TK2: variants seen among roughly 807,000 people sequenced by gnomAD.
TK2 encodes the protein thymidine kinase 2, mitochondrial.
A neutral mutation model predicts 41.9 loss-of-function variants in TK2; 35 were observed. That is an observed-to-expected ratio of 0.84 (90% CI 0.64 to 1.11). The LOEUF (loss-of-function observed/expected upper bound fraction) is 1.11, where lower values mean the gene tolerates loss of function less well. Among genes scored for constraint, TK2 ranks in the 50% least tolerant of loss-of-function variants. The probability of loss-of-function intolerance (pLI) is 0.00; values close to 1 mark genes in which losing one functional copy is unlikely to be tolerated. For synonymous variants in TK2, 128 were observed against 129.1 expected, an observed-to-expected ratio of 0.99 and a Z score of 0.06; for missense variants, 320 against 351.1, an observed-to-expected ratio of 0.91 and a Z score of 0.71.
intron 6 of TK2, among the ~76,000 whole-genome samples, chr16:66,522,241 C>T (rs149420097): frequency 2.0e-5 from 3 of 152,324 alleles, no homozygotes; most frequent in East Asian, 3.9e-4. Flanking sequence ...GCATGACCCA[C>T]ACCAGGAGGT....
intron 3 of TK2, among the ~76,000 whole-genome samples, chr16:66,541,111 T>C (rs547655852): frequency 6.6e-6 from 1 of 152,230 alleles, no homozygotes; most frequent in Non-Finnish European, 1.5e-5. Context: ...ATTTAAAATA[T>C]TGTATAAAAT....
At chr16:66,529,406 C>T (rs904429641) in intron 5 of TK2, among the ~76,000 whole-genome samples, 20 of 152,222 alleles carry the variant, frequency 1.3e-4, no homozygotes, top group African/African-American at 4.8e-4. Context: ...CTGGAGAAAC[C>T]ATCCAAAGCT....
chr16:66,540,326 C>G (rs930790827), intron 3 of TK2, among the ~76,000 whole-genome samples: 3 of 151,962 alleles, frequency 2.0e-5, no homozygotes, highest in African/African-American at 7.2e-5. Flanking sequence ...GCATGTGCCA[C>G]CACATCCAGC....
Position 66,511,524 on chromosome 16 carries a change from C to A in TK2, c.*444G>T, listed in dbSNP as rs775590447. 8 of 302,874 alleles carry A rather than the reference C, an allele frequency of 2.6e-5. No individual in the cohort carries two copies. The highest frequency in any genetic ancestry group is 5.1e-5 in the Non-Finnish European group (8 of 155,414). The allele number at this position is 302,874 out of a possible 1,614,324, so 18.8% of individuals were successfully genotyped here. On this transcript the variant is annotated 3_prime_UTR_variant, in exon 10 of 10. Coordinates refer to ENST00000544898, the MANE Select transcript of TK2 (RefSeq NM_004614.5). ...TGAATGGTGCCAGCTCCACTGCACA[C>A]AGGCTGTGTGACCTCTGGGGAGCCC...
chr16:66,512,832 A>C (rs1964491203), intron 9 of TK2, among the ~76,000 whole-genome samples: 1 of 152,160 alleles, frequency 6.6e-6, no homozygotes, highest in African/African-American at 2.4e-5. Flanking sequence ...CTTTCCGGCA[A>C]CCTCACTGCC....
rs147340897 is a variant in TK2 at position 66,550,113 on chromosome 16, G to A, written c.-52C>T. 59 of 1,610,374 alleles carry A rather than the reference G, an allele frequency of 3.7e-5. No individual in the cohort carries two copies. The highest frequency in any genetic ancestry group is 3.3e-4 in the Middle Eastern group (2 of 6,046). On this transcript the variant is annotated 5_prime_UTR_variant, in exon 1 of 10. Coordinates refer to ENST00000544898, the MANE Select transcript of TK2 (RefSeq NM_004614.5). ...GGGGTTCCTTCTTGTGCGAGTCGGC[G>A]CGGACGACTGCTAGTCCAGCCGTTG...
intron 9 of TK2, among the ~76,000 whole-genome samples, chr16:66,513,008 T>C (rs1376359653): frequency 1.3e-5 from 2 of 152,144 alleles, no homozygotes; most frequent in Non-Finnish European, 2.9e-5. Context: ...ATGTTGTATA[T>C]GTAACCATCT....
chr16:66,511,943 A>C lies in TK2; in HGVS notation c.*25T>G. 1 of 1,609,002 alleles carries C rather than the reference A, an allele frequency of 6.2e-7. No homozygotes were observed. The highest frequency in any genetic ancestry group is 1.1e-5 in the South Asian group (1 of 90,988). ...CTTGGCAGCAGCAGGCATTTTTCAG[A>C]CATGAGCCATAGACCTTTTGCCTCC... On this transcript the variant is annotated 3_prime_UTR_variant, in exon 10 of 10. Coordinates refer to ENST00000544898, the MANE Select transcript of TK2 (RefSeq NM_004614.5).
chr16:66,527,902 T>C (rs1342751236), intron 6 of TK2, among the ~76,000 whole-genome samples: 3 of 151,918 alleles, frequency 2.0e-5, no homozygotes, highest in African/African-American at 7.3e-5. Flanking sequence ...TGTGGTGGTG[T>C]GTGCCTGTAG....
intron 3 of TK2, among the ~76,000 whole-genome samples, chr16:66,540,621 A>G (rs1965431023): frequency 6.6e-6 from 1 of 152,256 alleles, no homozygotes; most frequent in Non-Finnish European, 1.5e-5. Flanking sequence ...AGAACAAGGA[A>G]GACAGGTCAA....
chr16:66,513,534 G>A (rs186462088), intron 9 of TK2, among the ~76,000 whole-genome samples, 197 bp downstream of exon 9: 5 of 152,274 alleles, frequency 3.3e-5, no homozygotes, highest in East Asian at 1.9e-4. Context: ...GCCTTCCCTC[G>A]GGTCTGGCCA....
chr16:66,518,984 C>T (rs185750675), intron 6 of TK2, among the ~76,000 whole-genome samples: 47 of 151,346 alleles, frequency 3.1e-4, no homozygotes, highest in African/African-American at 9.0e-4. Context: ...TTTTTTGAGA[C>T]GTAGTGTCGC....
chr16:66,547,740 T>TAA (rs2144487670), intron 2 of TK2, among the ~76,000 whole-genome samples: 1 of 152,190 alleles, frequency 6.6e-6, no homozygotes, highest in East Asian at 1.9e-4. Context: ...ATGTCAGGGC[T>TAA]GTTTGCCAGG....
rs149037404 is a variant in TK2 at position 66,541,133 on chromosome 16, T to G, written c.231+746A>C. On this transcript the variant is annotated intron_variant, in intron 3 of 9. Transcript: ENST00000544898. ...ATATTGTATAAAATTACCTTCAGGC[T>G]ATGTATATATGAAACATAAATGAAT... Among the ~76,000 whole-genome samples, 20 of 152,372 alleles carry G rather than the reference T, an allele frequency of 1.3e-4. No individual in the cohort carries two copies. In the East Asian group the frequency reaches 3.9e-3, roughly 29 times the overall value.
At chr16:66,547,959 A>G (rs1451358552) in intron 2 of TK2, 1 of 1,288,762 alleles carries the variant, frequency 7.8e-7, no homozygotes, top group East Asian at 5.6e-5. Flanking sequence ...ATAGCCAGGC[A>G]CAGTGGCTCA....
chr16:66,544,990 T>G (rs1323858212), intron 2 of TK2, among the ~76,000 whole-genome samples: 2 of 150,728 alleles, frequency 1.3e-5, no homozygotes, highest in Non-Finnish European at 2.9e-5. Context: ...GGGAGGCTGA[T>G]GCAAGAGAAT....
rs1964635385 is a variant in TK2 at position 66,517,022 on chromosome 16, C to G, written c.618+114G>C. On this transcript the variant is annotated intron_variant, in intron 8 of 9. Coordinates refer to ENST00000544898, the MANE Select transcript of TK2 (RefSeq NM_004614.5). The surrounding 1 kb of genome is among the most constrained non-coding windows in gnomAD (Gnocchi z 4.3). Reference sequence around the variant, plus strand: ...CTCTGATACACTTGGTTCCTGTTCTCTCTCTGCAAACAAGGGCACAATGAT... The same window carrying G: ...CTCTGATACACTTGGTTCCTGTTCTGTCTCTGCAAACAAGGGCACAATGAT... The G allele has an allele frequency of 1.1e-6, 1 of 947,570 alleles. No individual in the cohort carries two copies. Among genetic ancestry groups the G allele is most frequent in the East Asian group, 2.4e-5 (1 of 41,582 alleles). The allele number at this position is 947,570 out of a possible 1,614,324, so 58.7% of individuals were successfully genotyped here.
Position 66,517,038 on chromosome 16 carries a change from G to T in TK2, c.618+98C>A, listed in dbSNP as rs568435497. On this transcript the variant is annotated intron_variant, in intron 8 of 9. Coordinates refer to ENST00000544898, the MANE Select transcript of TK2 (RefSeq NM_004614.5). This position sits in a 1 kb window ranked among gnomAD's most constrained non-coding sequence, Gnocchi z 4.3. ...TCCTGTTCTCTCTCTGCAAACAAGG[G>T]CACAATGATCTCATGGGGGTGGGGC... 1 of 1,032,636 alleles carries T rather than the reference G, an allele frequency of 9.7e-7. No homozygotes were observed. Among genetic ancestry groups the T allele is most frequent in the Non-Finnish European group, 1.5e-6 (1 of 651,110 alleles). 64.0% of individuals were successfully genotyped at this position (1,032,636 alleles called of 1,614,324 possible). A position where few individuals can be genotyped will look rare whatever the true frequency, so the allele number is the denominator to read the frequency against.
At chr16:66,540,847 A>G (rs769745893) in intron 3 of TK2, among the ~76,000 whole-genome samples, 2 of 152,372 alleles carry the variant, frequency 1.3e-5, no homozygotes, top group African/African-American at 2.4e-5. Context: ...GAGGCAGTCA[A>G]CACTTGCACT....
Sources: allele counts gnomAD v4.1 joint callset (sites outside exome capture counted in the v4.1 genomes callset), GRCh38; gene constraint gnomAD v4.1.1; non-coding constraint Gnocchi (gnomAD v3.1); transcripts MANE v1.5; gene names NCBI Gene and HGNC (gene_info 2026-07-23, HGNC 2026-07-21).